ATP9B: variants seen among roughly 807,000 people sequenced by gnomAD.
ATP9B encodes ATPase phospholipid transporting 9B.
ATP9B carries 110 observed loss-of-function variants against 146.1 expected under a neutral mutation model. That is an observed-to-expected ratio of 0.75 (90% CI 0.65 to 0.88). The LOEUF (loss-of-function observed/expected upper bound fraction) is 0.88. ATP9B is among the 40% of genes least tolerant of loss of function. The pLI is 0.00. For synonymous variants in ATP9B, 604 were observed against 569.7 expected (o/e 1.06, Z -0.86); for missense variants, 1,499 against 1,496.4 (o/e 1.00, Z -0.03).
At chr18:79,376,092 C>G in intron 29 of ATP9B, 1 of 984,214 alleles carries the variant, frequency 1.0e-6, no homozygotes, top group Non-Finnish European at 1.2e-6. Context: ...GCAGACCGGT[C>G]TGAGTATTTG....
At chr18:79,204,795 G>C (rs900368345) in intron 9 of ATP9B, among the ~76,000 whole-genome samples, 2 of 152,228 alleles carry the variant, frequency 1.3e-5, no homozygotes, top group African/African-American at 4.8e-5. Context: ...ACATCACTGA[G>C]AAGACCTCTT....
intron 11 of ATP9B, among the ~76,000 whole-genome samples, chr18:79,227,170 A>AT (rs1180881699): frequency 2.0e-5 from 3 of 151,776 alleles, no homozygotes; most frequent in African/African-American, 7.3e-5. Context: ...TGAACCCATC[A>AT]TTTTTTTAGT....
chr18:79,180,814 A>G (rs1169139485), intron 8 of ATP9B, among the ~76,000 whole-genome samples: 1 of 150,814 alleles, frequency 6.6e-6, no homozygotes, highest in East Asian at 2.0e-4. Context: ...TTTTTTTGAG[A>G]CAGAGTCTCG....
chr18:79,104,498 A>G (rs1052156404), intron 2 of ATP9B, among the ~76,000 whole-genome samples: 1 of 152,120 alleles, frequency 6.6e-6, no homozygotes, highest in African/African-American at 2.4e-5. Context: ...CGGACTTTAG[A>G]ATGTTCTCAG....
chr18:79,370,880 C>T (rs2097065339), intron 26 of ATP9B, among the ~76,000 whole-genome samples: 1 of 152,136 alleles, frequency 6.6e-6, no homozygotes, highest in Non-Finnish European at 1.5e-5. Context: ...CCTTTTCTTT[C>T]TTATGTCAAA....
At chr18:79,224,734 C>T (rs563310363) in intron 11 of ATP9B, among the ~76,000 whole-genome samples, 1 of 152,312 alleles carries the variant, frequency 6.6e-6, no homozygotes, top group East Asian at 1.9e-4. Context: ...TGTGCCATCT[C>T]CTCTGCACCC....
chr18:79,361,747 G>A lies in ATP9B; in HGVS notation c.3012+2285G>A, dbSNP rs1270491964. The A allele has an allele frequency of 4.1e-6, 4 of 985,140 alleles. No homozygotes were observed. The African/African-American group carries it at 7.0e-5, about 17-fold the overall frequency. The allele number at this position is 985,140 out of a possible 1,614,324, so 61.0% of individuals were successfully genotyped here. A position where few individuals can be genotyped will look rare whatever the true frequency, so the allele number is the denominator to read the frequency against. On this transcript the variant is annotated intron_variant, in intron 26 of 29. Transcript: ENST00000426216. The stretch of plus-strand genomic sequence containing the variant: ...CTGTTCCTTCTGAACAGTTCGCCAA[G>A]GTAGCACAGACTGCAGCACTCTGCG...
chr18:79,070,019 T>C (rs1338229489), intron 1 of ATP9B, among the ~76,000 whole-genome samples: 2 of 152,344 alleles, frequency 1.3e-5, no homozygotes, highest in Admixed American at 6.5e-5. Flanking sequence ...TTTAAACATA[T>C]ATATACAAAG....
intron 7 of ATP9B, among the ~76,000 whole-genome samples, chr18:79,175,619 A>G (rs2095153138): frequency 6.6e-6 from 1 of 152,260 alleles, no homozygotes; most frequent in African/African-American, 2.4e-5. Context: ...ACTTGTGTGC[A>G]CACAGATATG....
At chr18:79,200,127 T>A (rs541305915) in intron 9 of ATP9B, among the ~76,000 whole-genome samples, 54 of 152,354 alleles carry the variant, frequency 3.5e-4, no homozygotes, top group African/African-American at 1.3e-3. Context: ...CCAGTAGTTT[T>A]GTTTTCACCA....
chr18:79,217,048 A>C (rs946608426), intron 11 of ATP9B, among the ~76,000 whole-genome samples: 2 of 152,258 alleles, frequency 1.3e-5, no homozygotes, highest in Non-Finnish European at 2.9e-5. Flanking sequence ...CCCGGGGAGA[A>C]GAGTGCGTTC....
chr18:79,246,777 A>T (rs2095971012), intron 11 of ATP9B, among the ~76,000 whole-genome samples: 1 of 152,056 alleles, frequency 6.6e-6, no homozygotes, highest in South Asian at 2.1e-4. Context: ...TGTGAGTACG[A>T]CTCTGAGACA....
chr18:79,376,439 A>G, intron 29 of ATP9B: 1 of 974,204 alleles, frequency 1.0e-6, no homozygotes, highest in Non-Finnish European at 1.2e-6. Context: ...ACCCAGGCTG[A>G]AGTGCAGTGG....
At chr18:79,110,624 A>G (rs1599623802) in intron 3 of ATP9B, 119 bp downstream of exon 3, 3 of 962,696 alleles carry the variant, frequency 3.1e-6, no homozygotes, top group East Asian at 2.7e-5. Flanking sequence ...CATCCAAATC[A>G]GTGTCCTTTT....
At chr18:79,317,358 G>T (rs1028871151) in intron 15 of ATP9B, among the ~76,000 whole-genome samples, 1 of 152,106 alleles carries the variant, frequency 6.6e-6, no homozygotes, top group African/African-American at 2.4e-5. Flanking sequence ...AGAAAATAAA[G>T]ATAAGCCAGA....
At position 79,243,339 on chromosome 18, in the gene ATP9B, A is replaced by G. The variant is rs149602004; in HGVS notation, c.1108-10042A>G. Among the ~76,000 whole-genome samples the G allele has an allele frequency of 5.0e-3, 757 of 152,368 alleles. 8 individuals are homozygous for G. Among genetic ancestry groups the G allele is most frequent in the Admixed American group, 0.015 (236 of 15,308 alleles). ...CATTTAATTGCAAGGGGAATGAAAT[A>G]GAATACTGATTGTAGTTCTGATCAG... On this transcript the variant is annotated intron_variant, in intron 11 of 29. Coordinates refer to ENST00000426216, the MANE Select transcript of ATP9B (RefSeq NM_198531.5).
chr18:79,307,273 C>T, intron 15 of ATP9B, 39 bp downstream of exon 15: 1 of 1,612,256 alleles, frequency 6.2e-7, no homozygotes. Flanking sequence ...TTGTCCGTTC[C>T]ATTTGGACTC....
rs1254749816 is a variant in ATP9B, at chr18:79,337,172, CAT to C, written c.2113-105_2113-104del. The C allele has an allele frequency of 3.1e-5, 44 of 1,405,112 alleles. 2 individuals are homozygous for C. Among genetic ancestry groups the C allele is most frequent in the Admixed American group, 7.5e-5 (4 of 53,452 alleles). The allele number at this position is 1,405,112 out of a possible 1,614,324, so 87.0% of individuals were successfully genotyped here. On this transcript the variant is annotated intron_variant, in intron 18 of 29. Coordinates refer to ENST00000426216, the MANE Select transcript of ATP9B (RefSeq NM_198531.5). Reference sequence around the variant, plus strand: ...CACACACAGCACGTACACGTGTGCACATAGTCACCTCCCCCTCTGTCCCCACA... The same window carrying C: ...CACACACAGCACGTACACGTGTGCACAGTCACCTCCCCCTCTGTCCCCACA...
At chr18:79,268,438 C>T (rs540779440) in intron 12 of ATP9B, among the ~76,000 whole-genome samples, 34 of 151,880 alleles carry the variant, frequency 2.2e-4, no homozygotes, top group Non-Finnish European at 4.4e-4. Context: ...TCCTTTCTTG[C>T]CATTTTATTA....
Sources: gnomAD v4.1 joint callset for allele counts (sites outside exome capture counted in the v4.1 genomes callset) on GRCh38, gnomAD v4.1.1 for gene constraint, MANE v1.5 for transcripts, NCBI Gene and HGNC (gene_info 2026-07-23, HGNC 2026-07-21) for gene names.